The following PTPN14 variants were observed in gnomAD, a reference collection of about 807,000 sequenced individuals.
PTPN14 encodes the protein tyrosine-protein phosphatase non-receptor type 14.
PTPN14 carries 53 observed loss-of-function variants against 126.8 expected under a neutral mutation model. The ratio of observed to expected loss-of-function variants is 0.42; its 90% confidence interval spans 0.34 to 0.53. The LOEUF is 0.53. Ranked by LOEUF, PTPN14 falls within the 20% of genes least tolerant of loss-of-function variation. PTPN14 has a pLI of 0.08. For synonymous variants in PTPN14, 630 were observed against 599.3 expected (o/e 1.05, Z -0.75); for missense variants, 1,257 against 1,552.9 (o/e 0.81, Z 3.20).
At chr1:214,432,985 G>C (rs1268686965) in intron 3 of PTPN14, among the ~76,000 whole-genome samples, 1 of 152,036 alleles carries the variant, frequency 6.6e-6, no homozygotes, top group East Asian at 1.9e-4. Flanking sequence ...TTCACTGCAA[G>C]CTCTGCCTCC....
At chr1:214,459,752 C>T (rs528970593) in intron 2 of PTPN14, among the ~76,000 whole-genome samples, 2 of 152,288 alleles carry the variant, frequency 1.3e-5, no homozygotes, top group African/African-American at 4.8e-5. Flanking sequence ...CAGGCGCAAG[C>T]CACCACGCCT....
At chr1:214,406,013 G>A (rs549648205) in intron 5 of PTPN14, among the ~76,000 whole-genome samples, 1 of 152,292 alleles carries the variant, frequency 6.6e-6, no homozygotes, top group African/African-American at 2.4e-5. Flanking sequence ...GGCAGGGGCA[G>A]GGGCTGAAAG....
intron 3 of PTPN14, among the ~76,000 whole-genome samples, chr1:214,444,346 G>T (rs951020485): frequency 2.0e-5 from 3 of 152,166 alleles, no homozygotes; most frequent in Non-Finnish European, 4.4e-5. Context: ...AGCTGGCCAG[G>T]AGGAGAATTT....
At chr1:214,426,165 G>T (rs534145150) in intron 3 of PTPN14, among the ~76,000 whole-genome samples, 108 of 150,556 alleles carry the variant, frequency 7.2e-4, no homozygotes, top group Middle Eastern at 6.9e-3. Context: ...ATTTTCTTTT[G>T]CAGAATCTTC....
intron 2 of PTPN14, among the ~76,000 whole-genome samples, chr1:214,462,583 C>T (rs556014294): frequency 1.3e-5 from 2 of 152,230 alleles, no homozygotes; most frequent in African/African-American, 4.8e-5. Context: ...CTTCCATCAA[C>T]TCTTTCACTC....
intron 1 of PTPN14, among the ~76,000 whole-genome samples, chr1:214,465,437 C>T (rs1019055103): frequency 1.3e-5 from 2 of 152,022 alleles, no homozygotes; most frequent in Non-Finnish European, 2.9e-5. Flanking sequence ...CAATGAGACC[C>T]TGTCTCTACA....
intron 1 of PTPN14, among the ~76,000 whole-genome samples, chr1:214,513,783 C>G (rs965026793): frequency 6.6e-6 from 1 of 152,086 alleles, no homozygotes. Context: ...ATAATGGTAT[C>G]TATTTCATAG....
chr1:214,383,903 C>G lies in PTPN14; in HGVS notation c.1952G>C (p.Arg651Pro). ...HSLEVMNSMVRGMEAMTLKSL... is the reference protein window; with the variant it reads ...HSLEVMNSMVPGMEAMTLKSL... ...CTTGAGCGTCATGGCCTCCATGCCCCGCACCATGCTGTTCATCACCTCCAG... is the reference window on the plus strand; with the variant it reads ...CTTGAGCGTCATGGCCTCCATGCCCGGCACCATGCTGTTCATCACCTCCAG... Residue 651 changes from arginine to proline, a missense_variant, in exon 13 of 19, where the codon CGG becomes CCG. By Grantham distance (103) the Arg-to-Pro change is moderately radical. Coordinates refer to ENST00000366956, the MANE Select transcript of PTPN14 (RefSeq NM_005401.5). The surrounding 1 kb of genome is among the most constrained non-coding windows in gnomAD (Gnocchi z 4.4). The G allele has an allele frequency of 6.2e-7, 1 of 1,613,416 alleles. No individual in the cohort carries two copies. Among genetic ancestry groups the G allele is most frequent in the Non-Finnish European group, 8.5e-7 (1 of 1,180,016 alleles).
At chr1:214,370,320 G>A (rs1027838971) in intron 16 of PTPN14, among the ~76,000 whole-genome samples, 3 of 152,184 alleles carry the variant, frequency 2.0e-5, no homozygotes, top group Middle Eastern at 3.4e-3. Context: ...AAGGTCTTCG[G>A]GGTGGCTGGA....
intron 3 of PTPN14, among the ~76,000 whole-genome samples, chr1:214,416,817 A>G (rs1218298599): frequency 6.6e-6 from 1 of 152,220 alleles, no homozygotes; most frequent in African/African-American, 2.4e-5. Context: ...GTTTTATAAA[A>G]TATTATAATT....
In PTPN14 at chr1:214,384,302, T is replaced by C. The variant is rs761236929; in HGVS notation, c.1553A>G (p.Asn518Ser). 1.2e-6 allele frequency: 2 copies of C among 1,614,144 alleles called. No homozygotes were observed. Among genetic ancestry groups the C allele is most frequent in the Non-Finnish European group, 1.7e-6 (2 of 1,180,012 alleles). The part of the protein sequence containing the change: ...NKLVSPSDQR[N>S]PKNNVVPSKP... ...GCTTGGTACCACATTATTCTTTGGG[T>C]TCCTCTGGTCAGATGGACTGACAAG... The change falls in exon 13 of 19, where the codon AAC becomes AGC. Residue 518 changes from asparagine to serine, a missense_variant. Transcript: ENST00000366956. This position sits in a 1 kb window ranked among gnomAD's most constrained non-coding sequence, Gnocchi z 5.3.
At chr1:214,530,135 A>G (rs189616739) in intron 1 of PTPN14, 1 of 152,170 alleles carries the variant, frequency 6.6e-6, no homozygotes, top group African/African-American at 2.4e-5. Flanking sequence ...GTTAGGCCAT[A>G]AGCAGATTTC....
chr1:214,382,996 G>GACAC (rs1658509063), intron 13 of PTPN14, among the ~76,000 whole-genome samples: 1 of 152,166 alleles, frequency 6.6e-6, no homozygotes, highest in African/African-American at 2.4e-5. Context: ...AACACTAAAA[G>GACAC]ACACAGCAAG....
At chr1:214,485,856 G>C (rs1305295408) in intron 1 of PTPN14, among the ~76,000 whole-genome samples, 1 of 151,978 alleles carries the variant, frequency 6.6e-6, no homozygotes, top group Non-Finnish European at 1.5e-5. Context: ...CTCCCGAGTA[G>C]CTGGGACTAC....
rs1156492332 is a variant in PTPN14 at position 214,364,046 on chromosome 1, C to T, written c.3435+466G>A. 2.6e-5 allele frequency among the ~76,000 whole-genome samples: 4 copies of T among 152,182 alleles called. No individual in the cohort carries two copies. Among genetic ancestry groups the T allele is most frequent in the African/African-American group, 9.7e-5 (4 of 41,438 alleles). On this transcript the variant is annotated intron_variant, in intron 18 of 18. Transcript: ENST00000366956. The surrounding 1 kb of genome is among the most constrained non-coding windows in gnomAD (Gnocchi z 4.1). ...GCAACAACCAGACTAGACAAGCAAA[C>T]AACCCCTCAAACCTCACTCTGAAGA...
chr1:214,399,327 AT>A (rs1319619635), intron 7 of PTPN14, among the ~76,000 whole-genome samples: 2 of 151,984 alleles, frequency 1.3e-5, no homozygotes, highest in East Asian at 3.9e-4. Context: ...AGAGATAGAT[AT>A]TTTTTTCCTT....
At chr1:214,534,829 G>C (rs1571654444) in intron 1 of PTPN14, among the ~76,000 whole-genome samples, 1 of 152,226 alleles carries the variant, frequency 6.6e-6, no homozygotes, top group East Asian at 1.9e-4. Flanking sequence ...AATCATGTGG[G>C]ATGAGTGGAA....
At chr1:214,469,639 G>A (rs767884693) in intron 1 of PTPN14, among the ~76,000 whole-genome samples, 1 of 151,778 alleles carries the variant, frequency 6.6e-6, no homozygotes, top group South Asian at 2.1e-4. Flanking sequence ...AAAGTATAGA[G>A]CCCTCATTAT....
intron 17 of PTPN14, among the ~76,000 whole-genome samples, chr1:214,365,249 A>G (rs112619204): frequency 1.1e-3 from 163 of 152,264 alleles, no homozygotes; most frequent in African/African-American, 3.8e-3. Context: ...CTATGTGAGT[A>G]GCCCAAGATG....
Sources: gnomAD v4.1 joint callset for allele counts (sites outside exome capture counted in the v4.1 genomes callset) on GRCh38, gnomAD v4.1.1 for gene constraint, Gnocchi (gnomAD v3.1) non-coding constraint, MANE v1.5 for transcripts, NCBI Gene and HGNC (gene_info 2026-07-23, HGNC 2026-07-21) for gene names.